Variants in TSPEAR observed in about 807,000 individuals in gnomAD.
The protein encoded by TSPEAR is thrombospondin-type laminin G domain and EAR repeat-containing protein.
TSPEAR carries 69 observed loss-of-function variants against 71.6 expected under a neutral mutation model. The ratio of observed to expected loss-of-function variants is 0.96; its 90% CI spans 0.79 to 1.18. The LOEUF (loss-of-function observed/expected upper bound fraction) is 1.18, where lower values mean the gene tolerates loss of function less well. Among genes scored for constraint, TSPEAR ranks in the 50% most tolerant of loss-of-function variants. TSPEAR has a pLI of 0.00. For synonymous variants in TSPEAR, 402 were observed against 387.2 expected (o/e 1.04, Z -0.45); for missense variants, 971 against 894.9 (o/e 1.09, Z -1.09).
chr21:44,505,230 C>T (rs1166248598), intron 10 of TSPEAR, among the ~76,000 whole-genome samples: 2 of 151,998 alleles, frequency 1.3e-5, no homozygotes, highest in Admixed American at 6.6e-5. Context: ...AAGTGTGCGG[C>T]ACCACGCCCG....
intron 1 of TSPEAR, chr21:44,638,274 G>A (rs1983795880): frequency 2.0e-6 from 3 of 1,474,512 alleles, no homozygotes; most frequent in Non-Finnish European, 2.7e-6. Flanking sequence ...TCAGAAGGTG[G>A]GGCAGGCTCT....
At chr21:44,523,737 CAGGTAGTTAATCAGTCAGCCAGTCAGTG>C (rs2052785884) in intron 8 of TSPEAR, among the ~76,000 whole-genome samples, 1 of 150,778 alleles carries the variant, frequency 6.6e-6, no homozygotes, top group Non-Finnish European at 1.5e-5. Context: ...GGTAGTCAGC[CAGGTAGTTAATCAGTCAGCCAGTCAGTG>C]AGGTAGTTAA....
chr21:44,598,860 G>A (rs1222553973), intron 1 of TSPEAR, among the ~76,000 whole-genome samples: 3 of 152,146 alleles, frequency 2.0e-5, no homozygotes, highest in Admixed American at 2.0e-4. Context: ...GTCTGCTCGT[G>A]TTCAGTTTGC....
At chr21:44,706,429 ACACC>A (rs1987925911) in intron 1 of TSPEAR, among the ~76,000 whole-genome samples, 1 of 151,102 alleles carries the variant, frequency 6.6e-6, no homozygotes, top group Non-Finnish European at 1.5e-5. Flanking sequence ...ACGCGCGCAC[ACACC>A]CACGTGCGCA....
Position 44,531,136 on chromosome 21 carries a change from G to A in TSPEAR, c.543-3C>T. On this transcript the variant is annotated splice_polypyrimidine_tract_variant and splice_region_variant and intron_variant, in intron 3 of 11. Coordinates refer to ENST00000323084, the MANE Select transcript of TSPEAR (RefSeq NM_144991.3). ...CTGGGAAGGGCACATCGGCCATTCT[G>A]AAAATATCAAAGGACTGTGTTAGGG... The A allele has an allele frequency of 6.2e-7, 1 of 1,613,208 alleles. No homozygotes were observed. The highest frequency in any genetic ancestry group is 8.5e-7 in the Non-Finnish European group (1 of 1,179,530).
chr21:44,522,167 C>A (rs1037215861), intron 8 of TSPEAR, 55 bp from the exon 9 acceptor site: 10 of 1,555,030 alleles, frequency 6.4e-6, no homozygotes, highest in Non-Finnish European at 8.9e-6. Context: ...AGCCCCATGG[C>A]AGCCCCGACG....
intron 1 of TSPEAR, chr21:44,666,548 G>A (rs201192367): frequency 2.9e-5 from 46 of 1,613,030 alleles, no homozygotes; most frequent in Admixed American, 1.7e-4. Context: ...CCGCATACAC[G>A]ACAGGCCTGC....
chr21:44,570,209 C>T (rs752790271), intron 1 of TSPEAR, among the ~76,000 whole-genome samples: 26 of 152,208 alleles, frequency 1.7e-4, no homozygotes, highest in Non-Finnish European at 3.1e-4. Context: ...GCCCATCGCT[C>T]GCTGGGCTTT....
chr21:44,663,063 AAAATT>A (rs1195196895), intron 1 of TSPEAR, among the ~76,000 whole-genome samples: 1 of 152,004 alleles, frequency 6.6e-6, no homozygotes, highest in African/African-American at 2.4e-5. Flanking sequence ...AGAAAAAAAG[AAAATT>A]AAACTCAAAA....
rs764495706 is a variant in TSPEAR at position 44,671,332 on chromosome 21, T to C, written c.82+40101A>G. Among the ~76,000 whole-genome samples, 39 of 152,354 alleles carry C rather than the reference T, an allele frequency of 2.6e-4. 1 individual carries two copies. Among genetic ancestry groups the C allele is most frequent in the Non-Finnish European group, 2.6e-4 (18 of 68,034 alleles). Reference sequence around the variant, plus strand: ...GCCCAGCGGCCCAAGGACCCATCCATGCATCCAACCCACTGCTGCCACTGC... The same window carrying C: ...GCCCAGCGGCCCAAGGACCCATCCACGCATCCAACCCACTGCTGCCACTGC... On this transcript the variant is annotated intron_variant, in intron 1 of 11. Coordinates refer to ENST00000323084, the MANE Select transcript of TSPEAR (RefSeq NM_144991.3).
At position 44,642,957 on chromosome 21, in the gene TSPEAR, C is replaced by T. The variant is rs1555938827; in HGVS notation, c.82+68476G>A. 1.3e-5 allele frequency among the ~76,000 whole-genome samples: 2 copies of T among 152,230 alleles called. No homozygotes were observed. Among genetic ancestry groups the T allele is most frequent in the South Asian group, 2.1e-4 (1 of 4,826 alleles). On this transcript the variant is annotated intron_variant, in intron 1 of 11. Coordinates refer to ENST00000323084, the MANE Select transcript of TSPEAR (RefSeq NM_144991.3). This position sits in a 1 kb window ranked among gnomAD's most constrained non-coding sequence, Gnocchi z 4.1. The stretch of plus-strand genomic sequence containing the variant: ...AAGCCAGAGCTCAGAGATACCTGCA[C>T]TGCCATGCTAACTGCAGCACTATTC...
intron 1 of TSPEAR, chr21:44,690,616 A>G (rs2146311861): frequency 1.0e-6 from 1 of 985,160 alleles, no homozygotes; most frequent in Middle Eastern, 5.2e-4. Flanking sequence ...GCTGTAAATA[A>G]ACAGGTTAAA....
chr21:44,528,620 C>G, intron 5 of TSPEAR, 37 bp from the exon 6 acceptor site: 4 of 1,609,178 alleles, frequency 2.5e-6, no homozygotes, highest in Non-Finnish European at 3.4e-6. Context: ...TTCCAGCAAG[C>G]CAGTGCCCCC....
At chr21:44,515,246 T>A (rs1343123464) in intron 9 of TSPEAR, among the ~76,000 whole-genome samples, 1 of 152,232 alleles carries the variant, frequency 6.6e-6, no homozygotes, top group African/African-American at 2.4e-5. Flanking sequence ...TTTGTGAGTT[T>A]TGAGGAATTA....
rs1043961252 is a variant in TSPEAR, at chr21:44,520,862, C to T, written c.1566+1021G>A. ...GCTTCTTGTCTAATGCAGGGGTAGC[C>T]TGGCAAGGCCTGACTGTTGTCACTG... On this transcript the variant is annotated intron_variant, in intron 9 of 11. Coordinates refer to ENST00000323084, the MANE Select transcript of TSPEAR (RefSeq NM_144991.3). The surrounding 1 kb of genome is among the most constrained non-coding windows in gnomAD (Gnocchi z 4.2). 6 of 152,336 alleles carry T rather than the reference C, an allele frequency of 3.9e-5. No homozygotes were observed. Among genetic ancestry groups the T allele is most frequent in the Admixed American group, 1.3e-4 (2 of 15,286 alleles). 9.4% of individuals were successfully genotyped at this position (152,336 alleles called of 1,614,324 possible). A position where few individuals can be genotyped will look rare whatever the true frequency, so the allele number is the denominator to read the frequency against.
intron 3 of TSPEAR, among the ~76,000 whole-genome samples, chr21:44,532,992 C>T (rs1555915910): frequency 1.3e-5 from 2 of 152,220 alleles, no homozygotes; most frequent in South Asian, 4.1e-4. Context: ...TCTGACTTCC[C>T]GCTGCTGCCT....
chr21:44,647,590 T>C, intron 1 of TSPEAR: 1 of 598,314 alleles, frequency 1.7e-6, no homozygotes, highest in Admixed American at 3.0e-5. Flanking sequence ...CCAAATGTGT[T>C]GCTTATACCC....
intron 1 of TSPEAR, among the ~76,000 whole-genome samples, chr21:44,608,264 T>G (rs139753769): frequency 1.3e-5 from 2 of 152,248 alleles, no homozygotes; most frequent in Admixed American, 6.5e-5. Flanking sequence ...CAGACTTGGA[T>G]GGGTTATTTG....
At position 44,532,993 on chromosome 21, in the gene TSPEAR, G is replaced by A. The variant is rs61567146; in HGVS notation, c.542+692C>T. 9.9e-3 allele frequency among the ~76,000 whole-genome samples: 1,510 copies of A among 152,298 alleles called. 26 individuals are homozygous for A. Among genetic ancestry groups the A allele is most frequent in the African/African-American group, 0.034 (1,430 of 41,542 alleles). ...GGGGAAGGAGTTACTCTGACTTCCC[G>A]CTGCTGCCTGTTGTGATGTTAGCGC... On this transcript the variant is annotated intron_variant, in intron 3 of 11. Coordinates refer to ENST00000323084, the MANE Select transcript of TSPEAR (RefSeq NM_144991.3).
Sources: gnomAD v4.1 joint callset for allele counts (sites outside exome capture counted in the v4.1 genomes callset) on GRCh38, gnomAD v4.1.1 for gene constraint, Gnocchi (gnomAD v3.1) non-coding constraint, MANE v1.5 for transcripts, NCBI Gene and HGNC (gene_info 2026-07-23, HGNC 2026-07-21) for gene names.